SMCO2: variants seen among roughly 807,000 people sequenced by gnomAD.
SMCO2 encodes single-pass membrane protein with coiled-coil domains 2, also known as single-pass membrane and coiled-coil domain-containing protein 2.
SMCO2 carries 25 observed loss-of-function variants against 29.5 expected under a neutral mutation model. The ratio of observed to expected loss-of-function variants is 0.85; its 90% CI spans 0.62 to 1.18. SMCO2 has a LOEUF of 1.18. Among genes scored for constraint, SMCO2 ranks in the 50% most tolerant of loss-of-function variants. The pLI, the probability that SMCO2 is intolerant of heterozygous loss-of-function variation, is 0.00. For synonymous variants in SMCO2, 117 were observed against 123.3 expected (o/e 0.95, Z 0.34); for missense variants, 348 against 344.5 (o/e 1.01, Z -0.08).
At chr12:27,479,452 G>C (rs535518667) in intron 4 of SMCO2, among the ~76,000 whole-genome samples, 1 of 152,202 alleles carries the variant, frequency 6.6e-6, no homozygotes, top group South Asian at 2.1e-4. Context: ...CAGGGTTGCT[G>C]TCTGTATTTG....
chr12:27,427,752 T>C, the SMCO2 span, among the ~76,000 whole-genome samples: 1 of 152,106 alleles, frequency 6.6e-6, no homozygotes, highest in East Asian at 1.9e-4. Flanking sequence ...CACAGCGGGC[T>C]CTTCTTGCCT....
intron 4 of SMCO2, among the ~76,000 whole-genome samples, chr12:27,482,777 C>T (rs1487659991): frequency 6.6e-6 from 1 of 152,232 alleles, no homozygotes; most frequent in African/African-American, 2.4e-5. Context: ...GTTGCCCAGG[C>T]TGGAGTGCAG....
chr12:27,443,540 C>G, the SMCO2 span, among the ~76,000 whole-genome samples: 1 of 152,068 alleles, frequency 6.6e-6, no homozygotes, highest in Non-Finnish European at 1.5e-5. Context: ...AAGAAAGAAA[C>G]AAAAGGCATC....
the SMCO2 span, among the ~76,000 whole-genome samples, chr12:27,448,150 T>A: frequency 6.6e-6 from 1 of 152,202 alleles, no homozygotes; most frequent in Non-Finnish European, 1.5e-5. Context: ...AATTTTGGAC[T>A]TAAGTTCTTG....
At chr12:27,496,181 T>A (rs1942999982) in intron 7 of SMCO2, among the ~76,000 whole-genome samples, 1 of 150,154 alleles carries the variant, frequency 6.7e-6, no homozygotes, top group South Asian at 2.1e-4. Flanking sequence ...CTCTTGTGGG[T>A]GGCTATTAAT....
At chr12:27,427,897 G>T in the SMCO2 span, among the ~76,000 whole-genome samples, 2 of 152,200 alleles carry the variant, frequency 1.3e-5, no homozygotes, top group Non-Finnish European at 2.9e-5. Flanking sequence ...GAAGGTGAGA[G>T]TTTGTTAAAG....
chr12:27,443,014 G>A, the SMCO2 span, among the ~76,000 whole-genome samples: 1 of 152,158 alleles, frequency 6.6e-6, no homozygotes, highest in Non-Finnish European at 1.5e-5. Flanking sequence ...TTCATTCCAT[G>A]AGGCCAGCAT....
At chr12:27,474,199 A>C (rs1053170760) in intron 3 of SMCO2, among the ~76,000 whole-genome samples, 1 of 152,252 alleles carries the variant, frequency 6.6e-6, no homozygotes, top group African/African-American at 2.4e-5. Flanking sequence ...ATGATATCTC[A>C]TTCCTGTTTA....
At chr12:27,470,842 C>T (rs544593871) in intron 2 of SMCO2, 77 bp downstream of exon 2, 119 of 1,459,504 alleles carry the variant, frequency 8.2e-5, no homozygotes, top group Admixed American at 2.4e-4. Flanking sequence ...GGTATGCAAA[C>T]GATGAGATTT....
chr12:27,492,836 A>T (rs1942939740), intron 5 of SMCO2, among the ~76,000 whole-genome samples: 1 of 152,214 alleles, frequency 6.6e-6, no homozygotes, highest in Non-Finnish European at 1.5e-5. Context: ...TATTGTGTAT[A>T]TACCCAGAGG....
intron 7 of SMCO2, among the ~76,000 whole-genome samples, chr12:27,499,540 C>G (rs1361961916): frequency 2.0e-5 from 3 of 150,458 alleles, no homozygotes; most frequent in African/African-American, 7.5e-5. Flanking sequence ...GTGACTAAAC[C>G]AAAAGCCTCT....
chr12:27,458,888 G>GA, the SMCO2 span, among the ~76,000 whole-genome samples: 3,177 of 76,810 alleles, frequency 0.041, 59 homozygotes, highest in African/African-American at 0.077. Flanking sequence ...ACTCTATCTC[G>GA]AAAAAAAAAA....
chr12:27,428,699 A>T, the SMCO2 span, among the ~76,000 whole-genome samples: 1 of 151,192 alleles, frequency 6.6e-6, no homozygotes, highest in African/African-American at 2.4e-5. Flanking sequence ...TTGGAATGAC[A>T]GTTTCTTAGA....
At chr12:27,488,724 C>CA (rs1365053476) in intron 5 of SMCO2, among the ~76,000 whole-genome samples, 177 bp downstream of exon 6, 2 of 152,112 alleles carry the variant, frequency 1.3e-5, no homozygotes. Flanking sequence ...TCTGATGACA[C>CA]AAAAAACCTA....
chr12:27,460,272 CG>C, the SMCO2 span, among the ~76,000 whole-genome samples: 1 of 152,064 alleles, frequency 6.6e-6, no homozygotes, highest in Non-Finnish European at 1.5e-5. Context: ...TGCACAATGC[CG>C]GGGTTAGGGG....
chr12:27,475,814 T>C (rs1949581567), intron 4 of SMCO2, 83 bp downstream of exon 5: 7 of 1,292,372 alleles, frequency 5.4e-6, no homozygotes, highest in Non-Finnish European at 6.1e-6. Context: ...GGGCTTAAGA[T>C]GATAAAGTCT....
At chr12:27,459,692 C>T in the SMCO2 span, among the ~76,000 whole-genome samples, 1 of 152,192 alleles carries the variant, frequency 6.6e-6, no homozygotes, top group Admixed American at 6.5e-5. Flanking sequence ...TGTCAGCTCT[C>T]CTATCCCAAT....
chr12:27,457,152 C>T, the SMCO2 span, among the ~76,000 whole-genome samples: 3 of 151,980 alleles, frequency 2.0e-5, no homozygotes, highest in East Asian at 1.9e-4. Flanking sequence ...ATCAGTTTCT[C>T]GTCCTCTTGG....
At chr12:27,441,499 A>G in the SMCO2 span, among the ~76,000 whole-genome samples, 18 of 152,220 alleles carry the variant, frequency 1.2e-4, no homozygotes, top group Admixed American at 6.5e-4. Context: ...TGGTCACTAT[A>G]TAATGATAAA....
Sources: gnomAD v4.1 joint callset for allele counts (sites outside exome capture counted in the v4.1 genomes callset) on GRCh38, gnomAD v4.1.1 for gene constraint, MANE v1.5 for transcripts, NCBI Gene and HGNC (gene_info 2026-07-23, HGNC 2026-07-21) for gene names.